Variants in SMG1 observed in about 807,000 individuals in gnomAD.
The protein encoded by SMG1 is SMG1 nonsense mediated mRNA decay associated PI3K related kinase, also known as serine/threonine-protein kinase SMG1.
In SMG1, 22 loss-of-function variants were observed where a neutral mutation model predicts 419.9. The observed-to-expected ratio is 0.05, with a 90% confidence interval of 0.04 to 0.07. The LOEUF (loss-of-function observed/expected upper bound fraction) is 0.07, where lower values mean the gene tolerates loss of function less well. Ranked by LOEUF, SMG1 falls within the 10% of genes least tolerant of loss-of-function variation. The pLI is 1.00. For synonymous variants in SMG1, 1,538 were observed against 1,553.5 expected, an observed-to-expected ratio of 0.99 and a Z score of 0.23; for missense variants, 3,185 against 4,342.0, an observed-to-expected ratio of 0.73 and a Z score of 7.49.
intron 10 of SMG1, among the ~76,000 whole-genome samples, chr16:18,881,746 T>C (rs138914813): frequency 1.1e-3 from 174 of 152,316 alleles, no homozygotes; most frequent in African/African-American, 4.1e-3. Context: ...TCAAAGAATA[T>C]AAAGGTATAC....
intron 41 of SMG1, among the ~76,000 whole-genome samples, chr16:18,840,549 A>G (rs2033856374): frequency 6.6e-6 from 1 of 152,200 alleles, no homozygotes; most frequent in Non-Finnish European, 1.5e-5. Flanking sequence ...AATTTATCTC[A>G]ATATCCTAAG....
rs555871712 is a variant in SMG1 at position 18,862,407 on chromosome 16, G to A, written c.3695+1243C>T. On this transcript the variant is annotated intron_variant, in intron 25 of 62. Coordinates refer to ENST00000446231, the MANE Select transcript of SMG1 (RefSeq NM_015092.5). ...GCTTACAAAGGCTCTAGAGTATAGA[G>A]ACTGAAAAGGAAAGAGGGCCTTTTC... Among the ~76,000 whole-genome samples, 62 of 152,298 alleles carry A rather than the reference G, an allele frequency of 4.1e-4. 1 individual carries two copies. Among genetic ancestry groups the A allele is most frequent in the Admixed American group, 5.2e-4 (8 of 15,298 alleles).
In SMG1 at chr16:18,926,156, A is replaced by AAGGAGGAGAAGGAGG. The variant is rs1555508816; in HGVS notation, c.-116_-115insCCTCCTTCTCCTCCT. ...GCCCGGGGCTGAGGAGGAAGCCGAGAAGGAGGAGGAGGAGGAGGAGGAGGA... is the reference window on the plus strand; with the variant it reads ...GCCCGGGGCTGAGGAGGAAGCCGAGAAGGAGGAGAAGGAGGAGGAGGAGGAGGAGGAGGAGGAGGA... On this transcript the variant is annotated 5_prime_UTR_variant, in exon 1 of 63. Coordinates refer to ENST00000446231, the MANE Select transcript of SMG1 (RefSeq NM_015092.5). 4.6e-6 allele frequency: 3 copies of AAGGAGGAGAAGGAGG among 655,606 alleles called. No individual in the cohort carries two copies. In the African/African-American group the frequency reaches 5.9e-5, roughly 13 times the overall value. 40.6% of individuals were successfully genotyped at this position (655,606 alleles called of 1,614,324 possible). A position where few individuals can be genotyped will look rare whatever the true frequency, so the allele number is the denominator to read the frequency against.
intron 39 of SMG1, 130 bp downstream of exon 39, chr16:18,845,299 G>T: frequency 1.4e-6 from 1 of 716,070 alleles, no homozygotes; most frequent in Non-Finnish European, 2.2e-6. Context: ...TAAGCAACTG[G>T]CCACAGGCTG....
intron 6 of SMG1, among the ~76,000 whole-genome samples, chr16:18,886,003 A>C (rs2036596781): frequency 6.6e-6 from 1 of 152,128 alleles, no homozygotes; most frequent in Non-Finnish European, 1.5e-5. Flanking sequence ...CACTCCACTA[A>C]GATGTTAAGC....
At chr16:18,880,386 A>G (rs1253828110) in intron 10 of SMG1, among the ~76,000 whole-genome samples, 1 of 152,120 alleles carries the variant, frequency 6.6e-6, no homozygotes, top group Non-Finnish European at 1.5e-5. Flanking sequence ...TACATACAGG[A>G]TTTTATTTAG....
chr16:18,805,281 C>T lies in SMG1; in HGVS notation c.*4288G>A, dbSNP rs1403337203. On this transcript the variant is annotated 3_prime_UTR_variant, in exon 63 of 63. Coordinates refer to ENST00000446231, the MANE Select transcript of SMG1 (RefSeq NM_015092.5). Reference sequence around the variant, plus strand: ...GAAACTTTGTCAAAAAAAGAAAAAACTATTAGCCTGTTTTCAAAGAAAAAC... The same window carrying T: ...GAAACTTTGTCAAAAAAAGAAAAAATTATTAGCCTGTTTTCAAAGAAAAAC... 6.6e-6 allele frequency: 1 copy of T among 152,264 alleles called. No homozygotes were observed. The highest frequency in any genetic ancestry group is 1.9e-4 in the East Asian group (1 of 5,192). The allele number at this position is 152,264 out of a possible 1,614,324, so 9.4% of individuals were successfully genotyped here. A position where few individuals can be genotyped will look rare whatever the true frequency, so the allele number is the denominator to read the frequency against.
rs2035111474 is a variant in SMG1 at position 18,859,712 on chromosome 16, G to A, written c.3806-9C>T. 6.3e-7 allele frequency: 1 copy of A among 1,586,664 alleles called. No homozygotes were observed. Among genetic ancestry groups the A allele is most frequent in the Admixed American group, 1.8e-5 (1 of 54,136 alleles). ...AAGCAGTTTTTTCATGTCTACCAAAGTTAAATAAAACGTCATTAAGTTCAT... is the reference window on the plus strand; with the variant it reads ...AAGCAGTTTTTTCATGTCTACCAAAATTAAATAAAACGTCATTAAGTTCAT... On this transcript the variant is annotated splice_polypyrimidine_tract_variant and intron_variant, in intron 26 of 62. Coordinates refer to ENST00000446231, the MANE Select transcript of SMG1 (RefSeq NM_015092.5).
chr16:18,845,421 T>G lies in SMG1; in HGVS notation c.6219+8A>C. The G allele has an allele frequency of 6.2e-7, 1 of 1,612,294 alleles. No individual in the cohort carries two copies. Among genetic ancestry groups the G allele is most frequent in the South Asian group, 1.1e-5 (1 of 91,026 alleles). On this transcript the variant is annotated splice_region_variant and intron_variant, in intron 39 of 62. Transcript: ENST00000446231. ...CATTTCAGTAGCATGCTTGGGATTA[T>G]TCTGTACCTCTTTAAATGGAATCCA...
rs1015230574 is a variant in SMG1 at position 18,806,935 on chromosome 16, A to G, written c.*2634T>C. The G allele has an allele frequency of 6.6e-6, 1 of 152,254 alleles. No individual in the cohort carries two copies. Among genetic ancestry groups the G allele is most frequent in the African/African-American group, 2.4e-5 (1 of 41,462 alleles). 9.4% of individuals were successfully genotyped at this position (152,254 alleles called of 1,614,324 possible). ...TAGAATGACTTAACAGAGGAAGCCA[A>G]ACTATACAGACCAGGGCCTTGTCCA... On this transcript the variant is annotated 3_prime_UTR_variant, in exon 63 of 63. Transcript: ENST00000446231.
chr16:18,834,793 G>A, intron 49 of SMG1, 99 bp downstream of exon 49: 14 of 1,301,232 alleles, frequency 1.1e-5, no homozygotes, highest in Non-Finnish European at 1.4e-5. Context: ...GTAAGCAGCT[G>A]TAACACTTGG....
At position 18,836,452 on chromosome 16, in the gene SMG1, T is replaced by G; in HGVS notation, c.7685A>C (p.Gln2562Pro). 6.2e-7 allele frequency: 1 copy of G among 1,614,082 alleles called. No individual in the cohort carries two copies. The highest frequency in any genetic ancestry group is 8.5e-7 in the Non-Finnish European group (1 of 1,179,904). ...TGCAGCCTGATAATGTGTTATCCAT[T>G]GTTCAAATTCATTCAGCTTCACCTG... ...AIQVKLNEFE[Q>P]WITHYQAAFN... is the part of the protein sequence containing the mutation. The change falls in exon 47 of 63, where the codon CAA becomes CCA. Residue 2562 changes from glutamine (Q) to proline (P), a missense_variant. Around this residue, in one of 27 missense-constraint regions of SMG1, gnomAD observed 412 missense variants for 546.6 expected, o/e 0.75. Transcript: ENST00000446231.
At chr16:18,852,229 G>T (rs556676234) in intron 32 of SMG1, 24 bp from the exon 33 acceptor site, 3 of 1,608,634 alleles carry the variant, frequency 1.9e-6, no homozygotes, top group African/African-American at 2.7e-5. Flanking sequence ...CAAGTCATCA[G>T]TATTTCAGCT....
intron 51 of SMG1, 28 bp downstream of exon 51, chr16:18,832,912 G>A (rs2033300859): frequency 1.3e-6 from 2 of 1,585,476 alleles, no homozygotes; most frequent in East Asian, 2.2e-5. Context: ...TCTTTTACAA[G>A]GAAACGGCAC....
chr16:18,814,531 T>A (rs1210180759), intron 60 of SMG1, among the ~76,000 whole-genome samples: 1 of 152,196 alleles, frequency 6.6e-6, no homozygotes, highest in Non-Finnish European at 1.5e-5. Context: ...ACAATTTTTT[T>A]AAAGAAAACT....
chr16:18,849,142 T>A, intron 36 of SMG1, 75 bp downstream of exon 36: 2 of 902,444 alleles, frequency 2.2e-6, no homozygotes, highest in Non-Finnish European at 3.0e-6. Flanking sequence ...ACATAAAGCT[T>A]AAAAACTTTG....
At chr16:18,917,748 T>C (rs2038033712) in intron 1 of SMG1, among the ~76,000 whole-genome samples, 1 of 151,460 alleles carries the variant, frequency 6.6e-6, no homozygotes, top group Non-Finnish European at 1.5e-5. Context: ...CGACTAATTT[T>C]GTATTTTTAG....
At chr16:18,821,205 G>C (rs2032497862) in intron 55 of SMG1, among the ~76,000 whole-genome samples, 1 of 138,722 alleles carries the variant, frequency 7.2e-6, no homozygotes, top group Admixed American at 7.4e-5. Flanking sequence ...AAAAACCTGA[G>C]ATATTTAGTA....
chr16:18,880,016 C>G (rs2036313038), intron 10 of SMG1, among the ~76,000 whole-genome samples: 1 of 152,194 alleles, frequency 6.6e-6, no homozygotes, highest in Non-Finnish European at 1.5e-5. Flanking sequence ...GGCGGAAGCT[C>G]AGAATCTTTA....
Sources: gnomAD v4.1 joint callset for allele counts (sites outside exome capture counted in the v4.1 genomes callset) on GRCh38, gnomAD v4.1.1 for gene constraint, gnomAD v4.1.1 regional missense constraint, MANE v1.5 for transcripts, NCBI Gene and HGNC (gene_info 2026-07-23, HGNC 2026-07-21) for gene names.